MTSS2: variants seen among roughly 807,000 people sequenced by gnomAD.
MTSS2 encodes protein MTSS 2.
In MTSS2, 27 loss-of-function variants were observed where a neutral mutation model predicts 67.1. The observed-to-expected ratio is 0.40, with a 90% CI of 0.30 to 0.55. MTSS2 has a LOEUF of 0.55. MTSS2 is among the 20% of genes least tolerant of loss of function. The probability of loss-of-function intolerance (pLI) is 0.43; values close to 1 mark genes in which losing one functional copy is unlikely to be tolerated. For missense variants in MTSS2, 1,171 were observed against 1,067.8 expected, an observed-to-expected ratio of 1.10 and a Z score of -1.35; for synonymous variants, 624 against 468.6, an observed-to-expected ratio of 1.33 and a Z score of -4.28.
intron 10 of MTSS2, among the ~76,000 whole-genome samples, chr16:70,675,330 G>A (rs538319228): frequency 1.3e-5 from 2 of 151,586 alleles, no homozygotes; most frequent in Non-Finnish European, 2.9e-5. Flanking sequence ...AGCTGAGGCA[G>A]GAGAATCGCT....
In MTSS2 at chr16:70,661,239, C is replaced by G. The variant is rs981780979; in HGVS notation, c.*2438G>C. 2.2e-6 allele frequency: 1 copy of G among 455,520 alleles called. No homozygotes were observed. Among genetic ancestry groups the G allele is most frequent in the Non-Finnish European group, 4.4e-6 (1 of 226,730 alleles). 28.2% of individuals were successfully genotyped at this position (455,520 alleles called of 1,614,324 possible). ...AGTACACCTTTATTAATACTGGAATCTTCACAGTGCATCTGTTACTTGTAG... is the reference window on the plus strand; with the variant it reads ...AGTACACCTTTATTAATACTGGAATGTTCACAGTGCATCTGTTACTTGTAG... On this transcript the variant is annotated 3_prime_UTR_variant, in exon 15 of 15. Transcript: ENST00000338779.
At chr16:70,679,517 G>T in intron 6 of MTSS2, 113 bp downstream of exon 6, 2 of 1,303,666 alleles carry the variant, frequency 1.5e-6, no homozygotes, top group Non-Finnish European at 2.1e-6. Context: ...AGGGTCCTGT[G>T]TCGGGGACAG....
chr16:70,679,387 C>T lies in MTSS2; in HGVS notation c.458-64G>A, dbSNP rs368522029. On this transcript the variant is annotated intron_variant, in intron 6 of 14. Transcript: ENST00000338779. ...GAAAGAAAGAATGTGTGAAAGACGC[C>T]GGATGGACAGAGCCACTCCTGGGGC... is the stretch of plus-strand genomic sequence containing the variant. 39 of 1,597,000 alleles carry T rather than the reference C, an allele frequency of 2.4e-5. No homozygotes were observed. The Middle Eastern group carries it at 9.9e-4, about 41-fold the overall frequency.
chr16:70,661,683 T>A lies in MTSS2; in HGVS notation c.*1994A>T, dbSNP rs1278313056. Reference sequence around the variant, plus strand: ...ATGGACAAGGGGATGGAGTAGAGTATGTACAGCCCCCGGGGCTCACAGGGG... The same window carrying A: ...ATGGACAAGGGGATGGAGTAGAGTAAGTACAGCCCCCGGGGCTCACAGGGG... On this transcript the variant is annotated 3_prime_UTR_variant, in exon 15 of 15. Transcript: ENST00000338779. 3.6e-6 allele frequency: 1 copy of A among 278,162 alleles called. No homozygotes were observed. The highest frequency in any genetic ancestry group is 2.3e-5 in the African/African-American group (1 of 43,642). 17.2% of individuals were successfully genotyped at this position (278,162 alleles called of 1,614,324 possible).
chr16:70,671,489 A>G (rs2052935291), intron 11 of MTSS2, among the ~76,000 whole-genome samples: 1 of 152,190 alleles, frequency 6.6e-6, no homozygotes, highest in Non-Finnish European at 1.5e-5. Flanking sequence ...CCATATTGAT[A>G]TAAATTAAAA....
chr16:70,683,717 C>G (rs576738282), intron 1 of MTSS2, among the ~76,000 whole-genome samples: 1 of 152,242 alleles, frequency 6.6e-6, no homozygotes, highest in African/African-American at 2.4e-5. Flanking sequence ...TGTGGACTCA[C>G]TGTGGGGTGG....
In MTSS2 at chr16:70,664,581, C is replaced by T. The variant is rs1358818003; in HGVS notation, c.1471+17G>A. ...GTCCCAGCTGTCCCTGGTCCCACCC[C>T]AGCCCCGCGGGCCTGCCTTGGGAGG... On this transcript the variant is annotated intron_variant, in intron 14 of 14. Transcript: ENST00000338779. 6.8e-6 allele frequency: 11 copies of T among 1,609,528 alleles called. No individual in the cohort carries two copies. Among genetic ancestry groups the T allele is most frequent in the Non-Finnish European group, 8.5e-6 (10 of 1,177,824 alleles).
chr16:70,679,416 G>T, intron 6 of MTSS2, 93 bp from the exon 7 acceptor site: 1 of 1,514,350 alleles, frequency 6.6e-7, no homozygotes, highest in Non-Finnish European at 9.1e-7. Context: ...CTGGGGCGGG[G>T]GTGCCTGGGC....
At position 70,661,559 on chromosome 16, in the gene MTSS2, A is replaced by AAAG. The variant is rs1169390712; in HGVS notation, c.*2115_*2117dup. On this transcript the variant is annotated 3_prime_UTR_variant, in exon 15 of 15. Transcript: ENST00000338779. ...AAACGAACGTAAAGTCCCCCAAACC[A>AAAG]AAGTTTGTGATGTGGGATGGTTGGC... 2 of 351,566 alleles carry AAAG rather than the reference A, an allele frequency of 5.7e-6. No individual in the cohort carries two copies. Among genetic ancestry groups the AAAG allele is most frequent in the Non-Finnish European group, 1.1e-5 (2 of 178,692 alleles). The allele number at this position is 351,566 out of a possible 1,614,324, so 21.8% of individuals were successfully genotyped here.
chr16:70,671,852 C>T (rs1597809739), intron 11 of MTSS2, among the ~76,000 whole-genome samples: 1 of 152,204 alleles, frequency 6.6e-6, no homozygotes, highest in Non-Finnish European at 1.5e-5. Flanking sequence ...GGGACAACCG[C>T]ACTTCTGTGG....
Position 70,661,339 on chromosome 16 carries a change from C to G in MTSS2, c.*2338G>C, listed in dbSNP as rs1188090996. On this transcript the variant is annotated 3_prime_UTR_variant, in exon 15 of 15. Transcript: ENST00000338779. ...AGAGGAGAATTTTTCCAAAATCTGA[C>G]GGAAAGAAAAGAAACAAATGGTTCA... 2 of 422,196 alleles carry G rather than the reference C, an allele frequency of 4.7e-6. No individual in the cohort carries two copies. Among genetic ancestry groups the G allele is most frequent in the African/African-American group, 2.5e-5 (1 of 39,364 alleles). 26.2% of individuals were successfully genotyped at this position (422,196 alleles called of 1,614,324 possible).
chr16:70,665,066 G>A lies in MTSS2; in HGVS notation c.1159C>T (p.Pro387Ser). The A allele has an allele frequency of 6.3e-7, 1 of 1,597,844 alleles. No homozygotes were observed. The highest frequency in any genetic ancestry group is 1.7e-5 in the Admixed American group (1 of 59,946). Reference sequence around the variant, plus strand: ...CTCCGCTGCAGAGTGGCGCCTGAGGGCTGCTCATGGGAGCCGACCTTGGAC... The same window carrying A: ...CTCCGCTGCAGAGTGGCGCCTGAGGACTGCTCATGGGAGCCGACCTTGGAC... The part of the protein sequence containing the change: ...DWSKVGSHEQ[P>S]SGATLQRRKD... The change falls in exon 13 of 15, where the codon CCC becomes TCC. Residue 387 changes from proline (P) to serine (S), a missense_variant. By Grantham distance (74) the Pro-to-Ser change is moderately conservative (BLOSUM62 -1). Around this residue, in one of 2 missense-constraint regions of MTSS2, gnomAD observed 924 missense variants for 756.0 expected, o/e 1.22. Transcript: ENST00000338779.
Position 70,665,116 on chromosome 16 carries a change from G to T in MTSS2, c.1129-20C>A, listed in dbSNP as rs539644664. ...CCAGTCCTGCAGGGAGGGTGTGGCA[G>T]GTCAGGGGGACCACTGGCCCTACCA... On this transcript the variant is annotated intron_variant, in intron 12 of 14. Transcript: ENST00000338779. The T allele has an allele frequency of 6.3e-6, 10 of 1,580,066 alleles. No homozygotes were observed. In the South Asian group the frequency reaches 1.1e-4, roughly 18 times the overall value.
intron 1 of MTSS2, among the ~76,000 whole-genome samples, chr16:70,681,755 A>G (rs2053311183): frequency 6.6e-6 from 1 of 152,186 alleles, no homozygotes; most frequent in South Asian, 2.1e-4. Context: ...CAAGGCTCCA[A>G]GTTGGGAGGG....
Position 70,664,169 on chromosome 16 carries a change from G to A in MTSS2, c.1752C>T (p.Ile584=), listed in dbSNP as rs770605323. The change falls in exon 15 of 15, where the codon ATC becomes ATT. Residue 584 remains isoleucine (I), a synonymous_variant. Transcript: ENST00000338779. ...CAGGGACGATGGGCGGCCGGATGGG[G>A]ATGGGGCCAGCGCTGGACAGGGCGC... ...VRRALSSAGP[I]PIRPPIVPVK... The A allele has an allele frequency of 2.3e-5, 37 of 1,605,672 alleles. No individual in the cohort carries two copies. The highest frequency in any genetic ancestry group is 3.1e-5 in the Non-Finnish European group (37 of 1,179,436).
Position 70,679,661 on chromosome 16 carries a change from G to A in MTSS2, c.426C>T (p.Asp142=). Residue 142 remains aspartate, a synonymous_variant, in exon 6 of 15, where the codon GAC becomes GAT. Transcript: ENST00000338779. ...GCGCCTTCTTCTGCAGCTTCAGCGT[G>A]TCCGACGACTTCTTTTTGATCTCAT... ...ARHEIKKKSS[D]TLKLQKKARK... 6.2e-7 allele frequency: 1 copy of A among 1,610,338 alleles called. No homozygotes were observed.
At chr16:70,681,653 G>A (rs1172707260) in intron 1 of MTSS2, among the ~76,000 whole-genome samples, 1 of 152,254 alleles carries the variant, frequency 6.6e-6, no homozygotes. Context: ...TGGGCTGAAT[G>A]GGGCCTTGTG....
intron 1 of MTSS2, among the ~76,000 whole-genome samples, chr16:70,682,112 G>C (rs1044085005): frequency 1.3e-4 from 20 of 152,204 alleles, no homozygotes; most frequent in Non-Finnish European, 1.2e-4. Flanking sequence ...AGAGCTTGCA[G>C]GGGTGGGAAG....
In MTSS2 at chr16:70,669,587, G is replaced by A. The variant is rs146963444; in HGVS notation, c.1054-4047C>T. 7.3e-3 allele frequency among the ~76,000 whole-genome samples: 1,109 copies of A among 152,182 alleles called. 6 individuals are homozygous for A. The highest frequency in any genetic ancestry group is 0.011 in the Non-Finnish European group (742 of 67,994). On this transcript the variant is annotated intron_variant, in intron 11 of 14. Coordinates refer to ENST00000338779, the MANE Select transcript of MTSS2 (RefSeq NM_138383.3). ...TCCCAGCACTTTGGGAGGCCAAGGC[G>A]GGCGGATTACCTGAGGTCATGAGTT...
Sources: allele counts gnomAD v4.1 joint callset (sites outside exome capture counted in the v4.1 genomes callset), GRCh38; gene constraint gnomAD v4.1.1; regional missense constraint gnomAD v4.1.1; transcripts MANE v1.5; gene names NCBI Gene and HGNC (gene_info 2026-07-23, HGNC 2026-07-21).